Variants in RBFOX1 observed in about 807,000 individuals in gnomAD.
The protein encoded by RBFOX1 is RNA binding fox-1 homolog 1, also known as RNA binding protein fox-1 homolog 1.
A neutral mutation model predicts 57.7 loss-of-function variants in RBFOX1; 8 were observed. The ratio of observed to expected loss-of-function variants is 0.14; its 90% confidence interval spans 0.08 to 0.25. The LOEUF (loss-of-function observed/expected upper bound fraction) is 0.25. RBFOX1 is among the 10% of genes least tolerant of loss of function. RBFOX1 has a pLI of 1.00. For synonymous variants in RBFOX1, 326 were observed against 222.4 expected (o/e 1.47, Z -4.15); for missense variants, 611 against 548.5 (o/e 1.11, Z -1.14).
chr16:6,867,658 G>T lies in RBFOX1; in HGVS notation c.-15-184399G>T, dbSNP rs148096232. ...CGCTTGAACCCGGGAGGCAGAGGTT[G>T]CAGTGAGTGCCGAGATTGCCTGGGT... On this transcript the variant is annotated intron_variant, in intron 3 of 15. Transcript: ENST00000550418. Among the ~76,000 whole-genome samples the T allele has an allele frequency of 5.2e-3, 785 of 152,280 alleles. 7 individuals are homozygous for T. The highest frequency in any genetic ancestry group is 0.018 in the African/African-American group (735 of 41,546).
At chr16:5,624,144 C>G (rs924229898) in intron 3 of RBFOX1, among the ~76,000 whole-genome samples, 5 of 152,298 alleles carry the variant, frequency 3.3e-5, no homozygotes, top group Admixed American at 2.0e-4. Context: ...TTTTAATACT[C>G]GAAGGTTTCA....
chr16:6,253,410 A>T (rs1434430717), intron 1 of RBFOX1, among the ~76,000 whole-genome samples: 1 of 152,118 alleles, frequency 6.6e-6, no homozygotes, highest in Non-Finnish European at 1.5e-5. Flanking sequence ...GCAAACCTTC[A>T]TAGGTAGGCA....
At chr16:5,454,744 T>TTTTTCTTTTCTTTCTTTTC (rs145711376) in intron 1 of RBFOX1, among the ~76,000 whole-genome samples, 7 of 118,776 alleles carry the variant, frequency 5.9e-5, no homozygotes, top group Non-Finnish European at 8.9e-5. Flanking sequence ...TCTTTCTTTC[T>TTTTTCTTTTCTTTCTTTTC]TTTTCTTTTC....
intron 1 of RBFOX1, among the ~76,000 whole-genome samples, chr16:5,321,927 T>C (rs1357785020): frequency 6.6e-6 from 1 of 152,130 alleles, no homozygotes; most frequent in East Asian, 1.9e-4. Flanking sequence ...TGATTGCTCA[T>C]TGCTCTCTTG....
chr16:5,652,312 G>A (rs1455596122), intron 3 of RBFOX1, among the ~76,000 whole-genome samples: 1 of 152,146 alleles, frequency 6.6e-6, no homozygotes, highest in African/African-American at 2.4e-5. Flanking sequence ...AGATGGGAAA[G>A]CTGAAGCTCA....
At position 5,529,701 on chromosome 16, in the gene RBFOX1, G is replaced by C. The variant is rs539992532; in HGVS notation, c.258+62447G>C. Among the ~76,000 whole-genome samples the C allele has an allele frequency of 1.6e-4, 24 of 152,026 alleles. No homozygotes were observed. In the South Asian group the frequency reaches 4.8e-3, roughly 30 times the overall value. ...CCTGCCTCACCATCCCGATTAGCTG[G>C]GATTACAGGCTAGTGCCACCACGCC... On this transcript the variant is annotated intron_variant, in intron 2 of 2. Coordinates refer to the RBFOX1 transcript ENST00000585867.
At chr16:5,366,270 G>A (rs1256700221) in intron 1 of RBFOX1, 5 of 386,858 alleles carry the variant, frequency 1.3e-5, no homozygotes, top group African/African-American at 4.2e-5. Context: ...ACTTGCTGCC[G>A]ATGAAGATGA....
chr16:7,395,767 G>A (rs913802108), intron 4 of RBFOX1, among the ~76,000 whole-genome samples: 3 of 152,166 alleles, frequency 2.0e-5, no homozygotes, highest in East Asian at 1.9e-4. Flanking sequence ...TCTGCAATAA[G>A]TTATGAATTT....
At chr16:5,733,943 C>T (rs1225079906) in intron 3 of RBFOX1, among the ~76,000 whole-genome samples, 1 of 152,084 alleles carries the variant, frequency 6.6e-6, no homozygotes, top group Non-Finnish European at 1.5e-5. Flanking sequence ...CCATTTCCTT[C>T]ATGCTTCCTG....
intron 3 of RBFOX1, among the ~76,000 whole-genome samples, chr16:6,655,529 A>G (rs887542357): frequency 2.6e-5 from 4 of 152,048 alleles, no homozygotes; most frequent in Non-Finnish European, 5.9e-5. Context: ...TCACCCATTT[A>G]TCTTCTTTGC....
At chr16:7,049,411 C>T (rs1006313542) in intron 3 of RBFOX1, among the ~76,000 whole-genome samples, 3 of 152,006 alleles carry the variant, frequency 2.0e-5, no homozygotes, top group Non-Finnish European at 4.4e-5. Flanking sequence ...CTGAGATTGC[C>T]TGGAGACTGC....
rs185456199 is a variant in RBFOX1 at position 7,026,017 on chromosome 16, C to T, written c.-15-26040C>T. ...GTCATACTGGGTTTGGGATCAGACC[C>T]CAGACCAAGAAGGAACAAAGGGAAA... On this transcript the variant is annotated intron_variant, in intron 3 of 15. Coordinates refer to ENST00000550418, the MANE Select transcript of RBFOX1 (RefSeq NM_018723.4). 5.1e-3 allele frequency among the ~76,000 whole-genome samples: 780 copies of T among 152,250 alleles called. 20 individuals carry two copies. The highest frequency in any genetic ancestry group is 0.042 in the Admixed American group (644 of 15,294).
intron 2 of RBFOX1, among the ~76,000 whole-genome samples, chr16:5,508,090 T>A (rs74004350): frequency 0.075 from 11,433 of 152,258 alleles, 1,129 homozygotes; most frequent in African/African-American, 0.23. Flanking sequence ...CATGCTAGTT[T>A]TCTATTGCTA....
At position 6,966,030 on chromosome 16, in the gene RBFOX1, C is replaced by G. The variant is rs74008502; in HGVS notation, c.-15-86027C>G. ...AGCGTATCATAGAAAATCGGAGATA[C>G]GTTTTCTTATCTTAGAAATAAGAAC... On this transcript the variant is annotated intron_variant, in intron 3 of 15. Transcript: ENST00000550418. Among the ~76,000 whole-genome samples, 223 of 152,146 alleles carry G rather than the reference C, an allele frequency of 1.5e-3. 1 individual carries two copies. Among genetic ancestry groups the G allele is most frequent in the Non-Finnish European group, 2.5e-3 (173 of 68,016 alleles).
intron 3 of RBFOX1, among the ~76,000 whole-genome samples, chr16:6,973,309 A>G (rs534528090): frequency 6.6e-6 from 1 of 152,194 alleles, no homozygotes; most frequent in African/African-American, 2.4e-5. Context: ...CATGCAGACA[A>G]AATAAAGCTC....
Position 7,482,652 on chromosome 16 carries a change from T to G in RBFOX1, c.28-35495T>G, listed in dbSNP as rs183100796. 1.0e-4 allele frequency among the ~76,000 whole-genome samples: 15 copies of G among 146,554 alleles called. No individual in the cohort carries two copies. In the Admixed American group the frequency reaches 1.1e-3, roughly 11 times the overall value. On this transcript the variant is annotated intron_variant, in intron 4 of 15. Transcript: ENST00000550418. ...CCAAGAGAACCCAGGAGGAAGAAGA[T>G]GCTGTGACAGGCATTTCTTATCAGG... is the stretch of plus-strand genomic sequence containing the variant.
In RBFOX1 at chr16:7,306,732, C is replaced by T. The variant is rs139351477; in HGVS notation, c.28-211415C>T. ...CACCGCTAGGGTGTAAGTGATATAC[C>T]TGGAGTCATCTGTCCTGGCCATTAC... On this transcript the variant is annotated intron_variant, in intron 4 of 15. Transcript: ENST00000550418. Among the ~76,000 whole-genome samples, 718 of 152,222 alleles carry T rather than the reference C, an allele frequency of 4.7e-3. 2 individuals are homozygous for T. The highest frequency in any genetic ancestry group is 0.016 in the African/African-American group (680 of 41,528).
At chr16:7,027,402 G>T (rs2041285233) in intron 3 of RBFOX1, among the ~76,000 whole-genome samples, 1 of 152,096 alleles carries the variant, frequency 6.6e-6, no homozygotes. Flanking sequence ...CAAAAACCCT[G>T]TAAGTTAGAC....
chr16:7,436,783 C>T (rs925567890), intron 4 of RBFOX1, among the ~76,000 whole-genome samples: 8 of 152,082 alleles, frequency 5.3e-5, no homozygotes, highest in African/African-American at 1.9e-4. Context: ...AAATCTCAGC[C>T]TGGTGCAGTG....
Sources: allele counts gnomAD v4.1 joint callset (sites outside exome capture counted in the v4.1 genomes callset), GRCh38; gene constraint gnomAD v4.1.1; transcripts MANE v1.5; gene names NCBI Gene and HGNC (gene_info 2026-07-23, HGNC 2026-07-21).